The following SAMD5 variants were observed in gnomAD, a reference collection of about 807,000 sequenced individuals.
SAMD5 encodes sterile alpha motif domain containing 5.
In SAMD5, 13 loss-of-function variants were observed where a neutral mutation model predicts 11.3. The ratio of observed to expected loss-of-function variants is 1.15; its 90% CI spans 0.75 to 1.83. The LOEUF (loss-of-function observed/expected upper bound fraction) is 1.83, where lower values mean the gene tolerates loss of function less well. SAMD5 is among the 40% of genes most tolerant of loss of function. SAMD5 has a pLI of 0.00. For missense variants in SAMD5, 255 were observed against 239.1 expected, an observed-to-expected ratio of 1.07 and a Z score of -0.44; for synonymous variants, 129 against 111.3, an observed-to-expected ratio of 1.16 and a Z score of -1.00.
At chr6:147,809,530 G>A in the SAMD5 span, among the ~76,000 whole-genome samples, 426 of 152,162 alleles carry the variant, frequency 2.8e-3, 1 homozygote, top group African/African-American at 9.9e-3. Context: ...TCTTTTTAAA[G>A]AACAAATGCA....
intron 1 of SAMD5, among the ~76,000 whole-genome samples, chr6:147,630,739 G>A (rs1022088660): frequency 6.6e-6 from 1 of 152,122 alleles, no homozygotes; most frequent in Non-Finnish European, 1.5e-5. Context: ...TCTTCACACA[G>A]AAGCACATGA....
chr6:147,800,105 C>A, the SAMD5 span, among the ~76,000 whole-genome samples: 4 of 152,208 alleles, frequency 2.6e-5, no homozygotes, highest in African/African-American at 9.7e-5. Context: ...TGTTCCATTG[C>A]TGGTGAGGAA....
intron 1 of SAMD5, among the ~76,000 whole-genome samples, chr6:147,624,408 G>C (rs897462978): frequency 1.3e-5 from 2 of 149,340 alleles, no homozygotes; most frequent in Non-Finnish European, 3.0e-5. Context: ...TGTGCGTTTT[G>C]CTCCTCCAGA....
the SAMD5 span, among the ~76,000 whole-genome samples, chr6:147,781,564 C>T: frequency 3.3e-5 from 5 of 152,110 alleles, no homozygotes; most frequent in Non-Finnish European, 5.9e-5. Context: ...GACAGAGTTC[C>T]GGTTCAGTTC....
chr6:147,630,331 T>C (rs1236276651), intron 1 of SAMD5, among the ~76,000 whole-genome samples: 1 of 152,174 alleles, frequency 6.6e-6, no homozygotes, highest in Non-Finnish European at 1.5e-5. Context: ...TGATTTGTAC[T>C]ACAGGATTGA....
In SAMD5 at chr6:147,724,617, C is replaced by G. The variant is rs558788876; in HGVS notation, c.163-12700C>G. ...CTGAAAAAGTCACCTTATCCTGGCCCCCTGTGGAGATCCTGCTGGAGTAGT... is the reference window on the plus strand; with the variant it reads ...CTGAAAAAGTCACCTTATCCTGGCCGCCTGTGGAGATCCTGCTGGAGTAGT... On this transcript the variant is annotated intron_variant, in intron 1 of 1. Coordinates refer to the SAMD5 transcript ENST00000566741. Among the ~76,000 whole-genome samples, 9 of 152,150 alleles carry G rather than the reference C, an allele frequency of 5.9e-5. No individual in the cohort carries two copies. The South Asian group carries it at 1.9e-3, about 32-fold the overall frequency.
At chr6:147,943,282 T>C in the SAMD5 span, among the ~76,000 whole-genome samples, 1 of 152,186 alleles carries the variant, frequency 6.6e-6, no homozygotes, top group African/African-American at 2.4e-5. Flanking sequence ...CTTGGAAAGT[T>C]GGTTGTTTTT....
the SAMD5 span, among the ~76,000 whole-genome samples, chr6:147,836,746 T>C: frequency 6.6e-6 from 1 of 152,210 alleles, no homozygotes; most frequent in South Asian, 2.1e-4. Flanking sequence ...TTCTCAACCT[T>C]ACTAAATTGT....
At chr6:147,691,121 A>G (rs1238117206) in intron 1 of SAMD5, among the ~76,000 whole-genome samples, 1 of 152,094 alleles carries the variant, frequency 6.6e-6, no homozygotes, top group South Asian at 2.1e-4. Context: ...CAGCCTCCTG[A>G]GTAGCTGGGA....
chr6:147,945,031 A>G, the SAMD5 span, among the ~76,000 whole-genome samples: 1 of 152,212 alleles, frequency 6.6e-6, no homozygotes, highest in Admixed American at 6.5e-5. Context: ...TCTAAACTCC[A>G]TAGTGGTCCA....
chr6:147,949,592 T>A, the SAMD5 span, among the ~76,000 whole-genome samples: 1 of 152,214 alleles, frequency 6.6e-6, no homozygotes, highest in Non-Finnish European at 1.5e-5. Flanking sequence ...TAAAATCAGA[T>A]GCACTAGAGT....
the SAMD5 span, among the ~76,000 whole-genome samples, chr6:147,873,100 C>T: frequency 2.0e-5 from 3 of 152,106 alleles, no homozygotes; most frequent in East Asian, 1.9e-4. Context: ...AATTTAAGGC[C>T]GGGTGCTGTG....
chr6:147,612,526 A>G (rs1237169391), intron 1 of SAMD5, among the ~76,000 whole-genome samples: 4 of 152,228 alleles, frequency 2.6e-5, no homozygotes, highest in Non-Finnish European at 5.9e-5. Flanking sequence ...TCAGGCCCAA[A>G]CTACTTTCCT....
chr6:147,798,360 C>T, the SAMD5 span, among the ~76,000 whole-genome samples: 3 of 150,410 alleles, frequency 2.0e-5, no homozygotes, highest in Admixed American at 2.0e-4. Flanking sequence ...TGTTCAGTTT[C>T]CATGTAGTTG....
At chr6:147,869,215 G>A in the SAMD5 span, among the ~76,000 whole-genome samples, 3 of 152,218 alleles carry the variant, frequency 2.0e-5, no homozygotes, top group East Asian at 1.9e-4. Flanking sequence ...TCTAAATGAG[G>A]CACGAGTGTG....
the SAMD5 span, among the ~76,000 whole-genome samples, chr6:147,893,178 G>A: frequency 2.6e-5 from 4 of 151,568 alleles, no homozygotes; most frequent in Admixed American, 6.6e-5. Context: ...CTCCAGCCTG[G>A]GCAATGAGAG....
At chr6:147,837,153 T>C in the SAMD5 span, among the ~76,000 whole-genome samples, 1 of 152,184 alleles carries the variant, frequency 6.6e-6, no homozygotes, top group Admixed American at 6.5e-5. Context: ...AATTTGTTTC[T>C]TATTATTTAA....
At chr6:147,881,541 G>C in the SAMD5 span, among the ~76,000 whole-genome samples, 1 of 152,116 alleles carries the variant, frequency 6.6e-6, no homozygotes, top group South Asian at 2.1e-4. Context: ...CGGTAGAGGT[G>C]TTCCTCCAGC....
rs552652944 is a variant in SAMD5 at position 147,664,747 on chromosome 6, T to C, written c.163-72570T>C. ...AAATTGAATATATATTTATAATGTATATGAAATTCAGAAGCATAAAGTATC... is the reference window on the plus strand; with the variant it reads ...AAATTGAATATATATTTATAATGTACATGAAATTCAGAAGCATAAAGTATC... On this transcript the variant is annotated intron_variant, in intron 1 of 1. Coordinates refer to the SAMD5 transcript ENST00000566741. Among the ~76,000 whole-genome samples, 758 of 152,322 alleles carry C rather than the reference T, an allele frequency of 5.0e-3. 3 individuals carry two copies. The highest frequency in any genetic ancestry group is 8.2e-3 in the Non-Finnish European group (555 of 68,030).
Sources: gnomAD v4.1 joint callset for allele counts (sites outside exome capture counted in the v4.1 genomes callset) on GRCh38, gnomAD v4.1.1 for gene constraint, MANE v1.5 for transcripts, NCBI Gene and HGNC (gene_info 2026-07-23, HGNC 2026-07-21) for gene names.